Variants in SULF2 observed in about 807,000 individuals in gnomAD.
The protein encoded by SULF2 is extracellular sulfatase Sulf-2.
In SULF2, 52 loss-of-function variants were observed where a neutral mutation model predicts 107.7. The ratio of observed to expected loss-of-function variants is 0.48; its 90% CI spans 0.39 to 0.61. The LOEUF (loss-of-function observed/expected upper bound fraction) is 0.61. SULF2 is among the 20% of genes least tolerant of loss of function. SULF2 has a pLI of 0.00. For missense variants in SULF2, 993 were observed against 1,177.3 expected (o/e 0.84, Z 2.29); for synonymous variants, 460 against 464.3 (o/e 0.99, Z 0.12).
At chr20:47,663,954 G>A (rs1340031624) in intron 15 of SULF2, among the ~76,000 whole-genome samples, 176 bp downstream of exon 15, 1 of 152,210 alleles carries the variant, frequency 6.6e-6, no homozygotes, top group African/African-American at 2.4e-5. Flanking sequence ...CCACAAGGGG[G>A]CGTCGGAGGC....
chr20:47,785,956 G>C (rs2090925721), upstream of SULF2: 1 of 152,588 alleles, frequency 6.6e-6, no homozygotes, highest in Non-Finnish European at 1.5e-5. Flanking sequence ...GGGTCCCGGC[G>C]GCTCTCGACC....
chr20:47,743,468 C>T (rs1432908658), intron 2 of SULF2, among the ~76,000 whole-genome samples: 1 of 152,140 alleles, frequency 6.6e-6, no homozygotes, highest in African/African-American at 2.4e-5. Flanking sequence ...CACTACCACA[C>T]TCAGCTAATT....
rs1426418822 is a variant in SULF2, at chr20:47,676,541, G to A, written c.1333C>T (p.Leu445=). The change falls in exon 10 of 21, where the codon CTG becomes TTG. Residue 445 remains leucine, a synonymous_variant. Transcript: ENST00000688720. ...FLPKYQRVKD[L]CQRAEYQTAC... ...GTCTGGTACTCAGCACGCTGACACA[G>A]GTCCTTCACACGCTGGTACTTGGGC... The A allele has an allele frequency of 3.1e-6, 5 of 1,597,512 alleles. No homozygotes were observed. The highest frequency in any genetic ancestry group is 3.4e-6 in the Non-Finnish European group (4 of 1,172,510).
At chr20:47,721,168 A>T (rs1458520647) in intron 3 of SULF2, among the ~76,000 whole-genome samples, 1 of 152,176 alleles carries the variant, frequency 6.6e-6, no homozygotes, top group Non-Finnish European at 1.5e-5. Flanking sequence ...ACCAAATGCA[A>T]ATCACTGCAC....
chr20:47,748,033 A>C (rs2090083000), intron 2 of SULF2, among the ~76,000 whole-genome samples: 1 of 152,054 alleles, frequency 6.6e-6, no homozygotes, highest in Admixed American at 6.5e-5. Context: ...CTCTTCACCT[A>C]CAGCCGGGGT....
intron 4 of SULF2, among the ~76,000 whole-genome samples, chr20:47,700,637 C>CTTTTTTTTTTTTTTTTTTTTTTTTTTTT (rs59966689): frequency 7.9e-6 from 1 of 126,208 alleles, no homozygotes. Context: ...GGTGCAACAT[C>CTTTTTTTTTTTTTTTTTTTTTTTTTTTT]TTTTTTTTTT....
At chr20:47,711,110 C>T (rs1453234391) in intron 3 of SULF2, among the ~76,000 whole-genome samples, 2 of 152,202 alleles carry the variant, frequency 1.3e-5, no homozygotes, top group African/African-American at 4.8e-5. Context: ...AGGGCTCCTG[C>T]AACCAGAAAC....
intron 3 of SULF2, among the ~76,000 whole-genome samples, chr20:47,733,728 G>GT (rs1241797675): frequency 6.6e-6 from 1 of 152,204 alleles, no homozygotes; most frequent in Non-Finnish European, 1.5e-5. Context: ...AGCTGAGACT[G>GT]TGCCACTGCA....
chr20:47,758,111 C>T (rs958007752), intron 1 of SULF2, among the ~76,000 whole-genome samples: 2 of 149,954 alleles, frequency 1.3e-5, no homozygotes, highest in Admixed American at 6.6e-5. Context: ...GCTGGGGATG[C>T]GTGTGAAAGC....
Position 47,661,868 on chromosome 20 carries a change from C to T in SULF2, c.2399G>A (p.Arg800Lys). 3.1e-6 allele frequency: 5 copies of T among 1,589,388 alleles called. No homozygotes were observed. The highest frequency in any genetic ancestry group is 4.3e-6 in the Non-Finnish European group (5 of 1,163,226). Residue 800 changes from arginine to lysine, a missense_variant, in exon 18 of 21, where the codon AGG (arginine) becomes AAG (lysine). Around this residue, in one of 3 missense-constraint regions of SULF2, gnomAD observed 497 missense variants for 544.1 expected, o/e 0.91. Transcript: ENST00000688720. Reference sequence around the variant, plus strand: ...TACGTGTAGCTGGTTGAGGACATCCCTGTCCAGTGTGTTCACTGCATTCAT... The same window carrying T: ...TACGTGTAGCTGGTTGAGGACATCCTTGTCCAGTGTGTTCACTGCATTCAT... Reference protein sequence around the residue: ...QLMNAVNTLDRDVLNQLHVQL... With the variant: ...QLMNAVNTLDKDVLNQLHVQL...
At chr20:47,688,632 G>A (rs1215266732) in intron 5 of SULF2, among the ~76,000 whole-genome samples, 1 of 152,212 alleles carries the variant, frequency 6.6e-6, no homozygotes, top group African/African-American at 2.4e-5. Context: ...GCTGCTGGGG[G>A]AGGCTGGCCT....
intron 3 of SULF2, among the ~76,000 whole-genome samples, chr20:47,703,226 C>A (rs561336207): frequency 1.3e-5 from 2 of 152,170 alleles, no homozygotes; most frequent in African/African-American, 4.8e-5. Context: ...TTGTAGAGAG[C>A]GATCATTTCA....
chr20:47,663,363 CCTTT>C, intron 16 of SULF2, 86 bp downstream of exon 16: 1 of 1,583,304 alleles, frequency 6.3e-7, no homozygotes, highest in Non-Finnish European at 8.6e-7. Context: ...TTGGGGACCC[CCTTT>C]CTGAGAGAGG....
intron 1 of SULF2, among the ~76,000 whole-genome samples, chr20:47,766,508 G>T (rs2090530634): frequency 6.6e-6 from 1 of 152,182 alleles, no homozygotes; most frequent in African/African-American, 2.4e-5. Context: ...AAAGATTGTA[G>T]GGCAAAAATG....
At chr20:47,712,144 C>A (rs1201761766) in intron 3 of SULF2, among the ~76,000 whole-genome samples, 1 of 152,236 alleles carries the variant, frequency 6.6e-6, no homozygotes, top group African/African-American at 2.4e-5. Flanking sequence ...CAACTTCCAA[C>A]TGGACTTCTG....
chr20:47,713,967 C>T (rs996159188), intron 3 of SULF2, among the ~76,000 whole-genome samples: 5 of 151,856 alleles, frequency 3.3e-5, no homozygotes, highest in Admixed American at 2.6e-4. Flanking sequence ...GTGTTCATGC[C>T]GCACAGTGAA....
chr20:47,746,476 G>C (rs73137503), intron 2 of SULF2, among the ~76,000 whole-genome samples: 5,983 of 152,234 alleles, frequency 0.039, 135 homozygotes, highest in Non-Finnish European at 0.054. Context: ...TGGAATGTCC[G>C]CAGTGCTGTA....
intron 9 of SULF2, 116 bp from the exon 10 acceptor site, chr20:47,676,739 G>A (rs2146469812): frequency 2.3e-6 from 3 of 1,323,096 alleles, no homozygotes; most frequent in Non-Finnish European, 3.1e-6. Flanking sequence ...CCTCACAGTG[G>A]AGGGCGCAGG....
At chr20:47,756,983 T>A (rs933670598) in intron 2 of SULF2, among the ~76,000 whole-genome samples, 1 of 152,210 alleles carries the variant, frequency 6.6e-6, no homozygotes, top group Non-Finnish European at 1.5e-5. Flanking sequence ...CAGGAACGGT[T>A]GTGCAACTGG....
Sources: gnomAD v4.1 joint callset for allele counts (sites outside exome capture counted in the v4.1 genomes callset) on GRCh38, gnomAD v4.1.1 for gene constraint, gnomAD v4.1.1 regional missense constraint, MANE v1.5 for transcripts, NCBI Gene and HGNC (gene_info 2026-07-23, HGNC 2026-07-21) for gene names.